MIPOL1: variants seen among roughly 807,000 people sequenced by gnomAD.
The protein encoded by MIPOL1 is mirror-image polydactyly gene 1 protein.
Under a neutral mutation model 60.9 loss-of-function variants are expected in MIPOL1, and 57 were observed. That is an observed-to-expected ratio of 0.94 (90% CI 0.76 to 1.17). The LOEUF is 1.17. MIPOL1 is among the 50% of genes most tolerant of loss of function. MIPOL1 has a pLI of 0.00. For synonymous variants in MIPOL1, 179 were observed against 168.8 expected (o/e 1.06, Z -0.47); for missense variants, 551 against 511.6 (o/e 1.08, Z -0.74).
rs2095462337 is a variant in MIPOL1, at chr14:37,528,641, G to T, written c.1263-18264G>T. 2.0e-5 allele frequency among the ~76,000 whole-genome samples: 3 copies of T among 152,162 alleles called. No homozygotes were observed. In the South Asian group the frequency reaches 6.2e-4, roughly 32 times the overall value. On this transcript the variant is annotated intron_variant, in intron 12 of 12. Transcript: ENST00000684589. Reference sequence around the variant, plus strand: ...TATTATCATAATATTCTCTAAGAGTGATCTAAGTTGCAAAAGCCATAAAGA... The same window carrying T: ...TATTATCATAATATTCTCTAAGAGTTATCTAAGTTGCAAAAGCCATAAAGA...
chr14:37,274,560 G>T (rs1271600739), intron 6 of MIPOL1, among the ~76,000 whole-genome samples: 1 of 151,396 alleles, frequency 6.6e-6, no homozygotes, highest in Non-Finnish European at 1.5e-5. Flanking sequence ...ATATAAGACA[G>T]ATTTGGGATC....
chr14:37,546,985 AC>A lies in MIPOL1; in HGVS notation c.*15del, dbSNP rs746488867. The A allele has an allele frequency of 2.3e-5, 36 of 1,599,858 alleles. No homozygotes were observed. Among genetic ancestry groups the A allele is most frequent in the Non-Finnish European group, 2.8e-5 (33 of 1,167,070 alleles). On this transcript the variant is annotated 3_prime_UTR_variant, in exon 13 of 13. Transcript: ENST00000684589. ...ACAGTGATCTGATTGAAAAAAAACG[AC>A]AGTCTGGGGAAGCGATCACATCTGG...
chr14:37,487,561 C>T (rs2094969341), intron 11 of MIPOL1, among the ~76,000 whole-genome samples: 1 of 152,094 alleles, frequency 6.6e-6, no homozygotes. Context: ...CTGGTTTAGA[C>T]TTGGAAAGGT....
intron 10 of MIPOL1, among the ~76,000 whole-genome samples, chr14:37,412,870 T>C (rs1474686269): frequency 6.6e-6 from 1 of 152,116 alleles, no homozygotes; most frequent in Non-Finnish European, 1.5e-5. Context: ...TGAAAAATTT[T>C]CTGGAGTGGG....
At chr14:37,218,514 G>A (rs1294334426) in intron 1 of MIPOL1, among the ~76,000 whole-genome samples, 3 of 152,046 alleles carry the variant, frequency 2.0e-5, no homozygotes, top group Non-Finnish European at 4.4e-5. Context: ...AGTGTGTTGA[G>A]GTCTGTTTGA....
intron 10 of MIPOL1, among the ~76,000 whole-genome samples, chr14:37,374,368 T>C (rs1186049760): frequency 6.6e-6 from 1 of 152,228 alleles, no homozygotes; most frequent in Non-Finnish European, 1.5e-5. Flanking sequence ...TCTTTTGCCG[T>C]GCAGAAGCTC....
intron 1 of MIPOL1, among the ~76,000 whole-genome samples, chr14:37,207,100 A>T (rs1249471416): frequency 6.6e-6 from 1 of 152,144 alleles, no homozygotes; most frequent in African/African-American, 2.4e-5. Flanking sequence ...GCGGAATGAT[A>T]TGGTTTGGCT....
At chr14:37,426,653 A>G (rs868085012) in intron 11 of MIPOL1, among the ~76,000 whole-genome samples, 17 of 144,692 alleles carry the variant, frequency 1.2e-4, no homozygotes, top group African/African-American at 2.0e-4. Flanking sequence ...ATATATGTGT[A>G]TATATATATG....
chr14:37,442,314 CAA>C (rs1314018347), intron 11 of MIPOL1, among the ~76,000 whole-genome samples: 1 of 152,066 alleles, frequency 6.6e-6, no homozygotes, highest in Non-Finnish European at 1.5e-5. Context: ...ATATTGTCAA[CAA>C]AGAGAGATGG....
intron 9 of MIPOL1, among the ~76,000 whole-genome samples, chr14:37,323,719 A>T (rs888375583): frequency 6.6e-6 from 1 of 152,068 alleles, no homozygotes; most frequent in African/African-American, 2.4e-5. Context: ...AAAGGTATAC[A>T]CATTTCCATA....
chr14:37,513,170 T>G (rs1459542576), intron 12 of MIPOL1, among the ~76,000 whole-genome samples: 2 of 152,118 alleles, frequency 1.3e-5, no homozygotes, highest in Admixed American at 6.5e-5. Context: ...TTTAAAGAAT[T>G]TAATATTCTG....
intron 4 of MIPOL1, among the ~76,000 whole-genome samples, chr14:37,267,876 T>A (rs1467668781): frequency 6.6e-6 from 1 of 152,204 alleles, no homozygotes; most frequent in Non-Finnish European, 1.5e-5. Context: ...ATTTTTCATT[T>A]AAATGAATTT....
intron 12 of MIPOL1, among the ~76,000 whole-genome samples, chr14:37,528,345 TTTAA>T (rs1465040371): frequency 2.0e-5 from 3 of 152,130 alleles, no homozygotes; most frequent in South Asian, 2.1e-4. Flanking sequence ...TGTACTATAA[TTTAA>T]TTGTTATTTT....
chr14:37,306,177 C>T (rs532340877), intron 7 of MIPOL1, among the ~76,000 whole-genome samples: 1 of 151,776 alleles, frequency 6.6e-6, no homozygotes, highest in East Asian at 1.9e-4. Flanking sequence ...CGTTTGAACT[C>T]TTCATCTTCC....
At position 37,550,042 on chromosome 14, in the gene MIPOL1, T is replaced by C. The variant is rs187857665; in HGVS notation, c.*3071T>C. Reference sequence around the variant, plus strand: ...TTAAAGCAAAGTTATTAATTATTAATATATGAGAATTTAAAATTTTATAAA... The same window carrying C: ...TTAAAGCAAAGTTATTAATTATTAACATATGAGAATTTAAAATTTTATAAA... On this transcript the variant is annotated 3_prime_UTR_variant, in exon 13 of 13. Coordinates refer to ENST00000684589, the MANE Select transcript of MIPOL1 (RefSeq NM_001388067.1). 6.6e-6 allele frequency: 1 copy of C among 151,922 alleles called. No homozygotes were observed. The highest frequency in any genetic ancestry group is 2.4e-5 in the African/African-American group (1 of 41,548). 9.4% of individuals were successfully genotyped at this position (151,922 alleles called of 1,614,324 possible). A position where few individuals can be genotyped will look rare whatever the true frequency, so the allele number is the denominator to read the frequency against.
intron 11 of MIPOL1, among the ~76,000 whole-genome samples, chr14:37,458,109 A>C (rs962145836): frequency 3.3e-5 from 5 of 152,174 alleles, no homozygotes; most frequent in African/African-American, 1.2e-4. Flanking sequence ...AATAATAAAG[A>C]GTTCAACTCA....
At chr14:37,319,769 G>A (rs967197823) in intron 9 of MIPOL1, among the ~76,000 whole-genome samples, 1 of 152,098 alleles carries the variant, frequency 6.6e-6, no homozygotes. Flanking sequence ...ATGGAACACT[G>A]CTAGTACTCC....
At chr14:37,297,632 A>G (rs1169239516) in intron 7 of MIPOL1, among the ~76,000 whole-genome samples, 2 of 152,212 alleles carry the variant, frequency 1.3e-5, no homozygotes, top group Non-Finnish European at 1.5e-5. Context: ...TCAGTGTTCA[A>G]AAATCACAAG....
At chr14:37,238,615 A>G (rs1169869511) in intron 1 of MIPOL1, among the ~76,000 whole-genome samples, 1 of 152,118 alleles carries the variant, frequency 6.6e-6, no homozygotes, top group Non-Finnish European at 1.5e-5. Context: ...TGATTATGTT[A>G]TATAAATCAC....
Sources: allele counts gnomAD v4.1 joint callset (sites outside exome capture counted in the v4.1 genomes callset), GRCh38; gene constraint gnomAD v4.1.1; transcripts MANE v1.5; gene names NCBI Gene and HGNC (gene_info 2026-07-23, HGNC 2026-07-21).